Variants in ANO3 observed in about 807,000 individuals in gnomAD.
ANO3 encodes the protein anoctamin-3.
A neutral mutation model predicts 144.8 loss-of-function variants in ANO3; 99 were observed. The observed-to-expected ratio is 0.68, with a 90% CI of 0.58 to 0.81. The LOEUF is 0.81. Among genes scored for constraint, ANO3 ranks in the 30% least tolerant of loss-of-function variants. The pLI is 0.00. For synonymous variants in ANO3, 414 were observed against 392.6 expected (o/e 1.05, Z -0.64); for missense variants, 905 against 1,202.2 (o/e 0.75, Z 3.66).
At chr11:26,553,205 T>A in intron 12 of ANO3, 44 bp from the exon 13 acceptor site, 1 of 1,279,566 alleles carries the variant, frequency 7.8e-7, no homozygotes, top group Non-Finnish European at 1.1e-6. Context: ...AGTCACAGTT[T>A]CATGCTATGT....
At chr11:26,591,013 A>G (rs1366058246) in intron 14 of ANO3, among the ~76,000 whole-genome samples, 1 of 152,156 alleles carries the variant, frequency 6.6e-6, no homozygotes, top group East Asian at 1.9e-4. Context: ...CTCTCAGGCA[A>G]TATATGATTT....
At chr11:26,290,362 C>T (rs1358291682) in intron 1 of ANO3, among the ~76,000 whole-genome samples, 4 of 152,136 alleles carry the variant, frequency 2.6e-5, no homozygotes, top group Non-Finnish European at 4.4e-5. Flanking sequence ...AAAAAACCAG[C>T]TCCTGGATTC....
At chr11:26,237,748 A>G (rs1467285483) in intron 1 of ANO3, among the ~76,000 whole-genome samples, 1 of 152,134 alleles carries the variant, frequency 6.6e-6, no homozygotes, top group Non-Finnish European at 1.5e-5. Flanking sequence ...TTAATAGTAG[A>G]AAAGTTATAT....
intron 1 of ANO3, among the ~76,000 whole-genome samples, chr11:26,226,013 C>A (rs1406130101): frequency 6.6e-6 from 1 of 152,006 alleles, no homozygotes; most frequent in Non-Finnish European, 1.5e-5. Context: ...TTAAGTACCC[C>A]AAGGAGCAGT....
chr11:26,629,899 A>G (rs1426218323), intron 18 of ANO3, among the ~76,000 whole-genome samples: 6 of 152,166 alleles, frequency 3.9e-5, no homozygotes, highest in Non-Finnish European at 7.4e-5. Context: ...TCAAAGTGCT[A>G]GTACTACAGG....
intron 1 of ANO3, among the ~76,000 whole-genome samples, chr11:26,221,131 C>T (rs2133792328): frequency 6.6e-6 from 1 of 152,308 alleles, no homozygotes; most frequent in East Asian, 1.9e-4. Context: ...CATATGAACA[C>T]CTCTCCTTTT....
intron 3 of ANO3, among the ~76,000 whole-genome samples, chr11:26,455,991 T>C (rs1590375935): frequency 6.6e-6 from 1 of 151,502 alleles, no homozygotes; most frequent in Admixed American, 6.6e-5. Context: ...CCCTATTTAA[T>C]AAATGGTGCT....
rs1859169936 is a variant in ANO3, at chr11:26,456,604, G to A, written c.314-6426G>A. 1.6e-5 allele frequency among the ~76,000 whole-genome samples: 2 copies of A among 123,974 alleles called. 1 individual carries two copies. Among genetic ancestry groups the A allele is most frequent in the South Asian group, 6.5e-4 (2 of 3,088 alleles). 81.3% of individuals were successfully genotyped at this position (123,974 alleles called of 152,430 possible). Reference sequence around the variant, plus strand: ...GTGCTGGAGAGGATGTGGAGAAATAGGAACACTTTTACACTGTTGGTGGGA... The same window carrying A: ...GTGCTGGAGAGGATGTGGAGAAATAAGAACACTTTTACACTGTTGGTGGGA... On this transcript the variant is annotated intron_variant, in intron 3 of 26. Coordinates refer to ENST00000256737, the MANE Select transcript of ANO3 (RefSeq NM_031418.4).
intron 17 of ANO3, among the ~76,000 whole-genome samples, chr11:26,612,169 G>C (rs1405861685): frequency 6.6e-6 from 1 of 151,964 alleles, no homozygotes; most frequent in Non-Finnish European, 1.5e-5. Context: ...GTTGTTTATA[G>C]ATCATCTGTT....
At chr11:26,541,881 A>T in intron 10 of ANO3, 66 bp from the exon 11 acceptor site, 1 of 1,444,908 alleles carries the variant, frequency 6.9e-7, no homozygotes, top group Non-Finnish European at 9.4e-7. Flanking sequence ...GGGAAAATAC[A>T]GTTCTTACTC....
chr11:26,194,446 G>GTGTGTGTGTATA, intron 1 of ANO3, among the ~76,000 whole-genome samples: 1 of 116,730 alleles, frequency 8.6e-6, no homozygotes, highest in African/African-American at 3.2e-5. Context: ...AGTGGTGTGT[G>GTGTGTGTGTATA]TGTGTGTGTG....
At chr11:26,231,534 T>C (rs139447604) in intron 1 of ANO3, among the ~76,000 whole-genome samples, 68 of 152,308 alleles carry the variant, frequency 4.5e-4, no homozygotes, top group African/African-American at 1.6e-3. Context: ...CAATTAGCAG[T>C]ATTAATGCTC....
intron 14 of ANO3, among the ~76,000 whole-genome samples, chr11:26,580,262 A>C (rs1161162998): frequency 6.6e-6 from 1 of 152,152 alleles, no homozygotes; most frequent in East Asian, 1.9e-4. Flanking sequence ...AAAATATTTT[A>C]TAAAGGGAAT....
chr11:26,189,180 T>C (rs1484891454), exon 1 of ANO3: 1 of 984,720 alleles, frequency 1.0e-6, no homozygotes. Context: ...TTTTGCAATG[T>C]CAGTTTTAAA....
rs1424101890 is a variant in ANO3 at position 26,372,481 on chromosome 11, C to A, written c.46+40160C>A. 2.0e-5 allele frequency among the ~76,000 whole-genome samples: 3 copies of A among 152,268 alleles called. No individual in the cohort carries two copies. The East Asian group carries it at 5.8e-4, about 29-fold the overall frequency. Reference sequence around the variant, plus strand: ...AAATTAACCTAAACGAAGAATTGTTCTTTTTATAGAAGAGGATACTCTTTT... The same window carrying A: ...AAATTAACCTAAACGAAGAATTGTTATTTTTATAGAAGAGGATACTCTTTT... On this transcript the variant is annotated intron_variant, in intron 1 of 26. Coordinates refer to ENST00000256737, the MANE Select transcript of ANO3 (RefSeq NM_031418.4).
chr11:26,622,373 C>A (rs1852441513), intron 17 of ANO3, among the ~76,000 whole-genome samples: 2 of 147,712 alleles, frequency 1.4e-5, no homozygotes, highest in Non-Finnish European at 3.0e-5. Context: ...CTTTGGGAGG[C>A]TGGGGCGGAT....
At chr11:26,361,413 C>G (rs1171826315) in intron 1 of ANO3, among the ~76,000 whole-genome samples, 4 of 152,128 alleles carry the variant, frequency 2.6e-5, no homozygotes, top group Admixed American at 1.3e-4. Context: ...TTTAATAAAA[C>G]ATAATTGCAT....
chr11:26,341,586 G>C (rs1027329909), intron 1 of ANO3, among the ~76,000 whole-genome samples: 1 of 152,074 alleles, frequency 6.6e-6, no homozygotes, highest in Non-Finnish European at 1.5e-5. Context: ...TCTTCAGAGG[G>C]GCAGAACTAA....
Position 26,534,547 on chromosome 11 carries a change from G to C in ANO3, c.961G>C (p.Gly321Arg), listed in dbSNP as rs1053828576. 2 of 1,609,624 alleles carry C rather than the reference G, an allele frequency of 1.2e-6. No individual in the cohort carries two copies. The highest frequency in any genetic ancestry group is 1.7e-6 in the Non-Finnish European group (2 of 1,176,776). The part of the protein sequence containing the change: ...HMLERTKYEN[G>R]ISKVGIRKLI... The stretch of plus-strand genomic sequence containing the variant: ...GCTGGAACGCACCAAATATGAAAAT[G>C]GAATATCAAAAGTGGGTAAGAACAT... The change falls in exon 9 of 27, where the codon GGA becomes CGA. Residue 321 changes from glycine (G) to arginine (R), a missense_variant. Physicochemically the swap from Gly to Arg is moderately radical, Grantham distance 125. Coordinates refer to ENST00000256737, the MANE Select transcript of ANO3 (RefSeq NM_031418.4).
Sources: gnomAD v4.1 joint callset for allele counts (sites outside exome capture counted in the v4.1 genomes callset) on GRCh38, gnomAD v4.1.1 for gene constraint, MANE v1.5 for transcripts, NCBI Gene and HGNC (gene_info 2026-07-23, HGNC 2026-07-21) for gene names.